TNS3: variants seen among roughly 807,000 people sequenced by gnomAD.
The protein encoded by TNS3 is tensin-3.
Under a neutral mutation model 140.9 loss-of-function variants are expected in TNS3, and 45 were observed. The ratio of observed to expected loss-of-function variants is 0.32; its 90% CI spans 0.25 to 0.41. The LOEUF (loss-of-function observed/expected upper bound fraction) is 0.41. Ranked by LOEUF, TNS3 falls within the 10% of genes least tolerant of loss-of-function variation. The probability of loss-of-function intolerance (pLI) is 1.00; values close to 1 mark genes in which losing one functional copy is unlikely to be tolerated. For synonymous variants in TNS3, 815 were observed against 788.4 expected, an observed-to-expected ratio of 1.03 and a Z score of -0.56; for missense variants, 1,716 against 1,906.7, an observed-to-expected ratio of 0.90 and a Z score of 1.86.
chr7:47,405,818 T>C (rs1183976307), intron 13 of TNS3, among the ~76,000 whole-genome samples: 1 of 151,606 alleles, frequency 6.6e-6, no homozygotes, highest in Non-Finnish European at 1.5e-5. Flanking sequence ...CAGCACTATT[T>C]GTTTGTGAAA....
intron 17 of TNS3, among the ~76,000 whole-genome samples, chr7:47,361,221 A>AAAAAAAAAAAAAAAAAAAAAAAAAAAAG (rs1790307440): frequency 6.7e-6 from 1 of 149,214 alleles, no homozygotes; most frequent in Non-Finnish European, 1.5e-5. Context: ...AAAAAAAAAA[A>AAAAAAAAAAAAAAAAAAAAAAAAAAAAG]AAACAAGCAA....
intron 2 of TNS3, among the ~76,000 whole-genome samples, chr7:47,515,062 C>T (rs1250587200): frequency 6.6e-6 from 1 of 152,172 alleles, no homozygotes; most frequent in Non-Finnish European, 1.5e-5. Context: ...CACTTAACCC[C>T]ATTGCTCAAT....
intron 10 of TNS3, among the ~76,000 whole-genome samples, chr7:47,419,333 A>T (rs57497560): frequency 2.3e-4 from 35 of 152,248 alleles, no homozygotes; most frequent in African/African-American, 7.9e-4. Flanking sequence ...GTGGGCAGCA[A>T]GGAGGATGTG....
At chr7:47,515,122 A>G (rs912658327) in intron 2 of TNS3, among the ~76,000 whole-genome samples, 4 of 152,232 alleles carry the variant, frequency 2.6e-5, no homozygotes, top group Non-Finnish European at 5.9e-5. Context: ...GAGTAGAGAT[A>G]ACAGGGCCCT....
chr7:47,452,203 T>A (rs1796045316), intron 4 of TNS3, among the ~76,000 whole-genome samples: 1 of 152,212 alleles, frequency 6.6e-6, no homozygotes. Flanking sequence ...GGATCCCCCT[T>A]AGATCACAAA....
At position 47,522,954 on chromosome 7, in the gene TNS3, A is replaced by G. The variant is rs534056198; in HGVS notation, c.-153+6082T>C. Among the ~76,000 whole-genome samples the G allele has an allele frequency of 2.5e-3, 372 of 151,238 alleles. 1 individual carries two copies. The highest frequency in any genetic ancestry group is 8.5e-3 in the African/African-American group (351 of 41,278). Reference sequence around the variant, plus strand: ...AAAAAAAAAAGAGTTTCTATTGTTTATTAACATAATTCCTAGAGCTATGTG... The same window carrying G: ...AAAAAAAAAAGAGTTTCTATTGTTTGTTAACATAATTCCTAGAGCTATGTG... On this transcript the variant is annotated intron_variant, in intron 2 of 30. Transcript: ENST00000311160.
At chr7:47,375,000 G>T (rs1279929548) in intron 16 of TNS3, among the ~76,000 whole-genome samples, 1 of 152,162 alleles carries the variant, frequency 6.6e-6, no homozygotes, top group African/African-American at 2.4e-5. Context: ...GTGGGGTAAG[G>T]ACAGAGTTCT....
chr7:47,472,122 C>G (rs527300236), intron 4 of TNS3, among the ~76,000 whole-genome samples: 1 of 152,248 alleles, frequency 6.6e-6, no homozygotes, highest in African/African-American at 2.4e-5. Flanking sequence ...TCTGTCATCA[C>G]CTGGCTTTCT....
chr7:47,324,998 C>T (rs1278848753), intron 20 of TNS3, among the ~76,000 whole-genome samples: 2 of 151,790 alleles, frequency 1.3e-5, no homozygotes, highest in Non-Finnish European at 2.9e-5. Context: ...TAGTAGGCAG[C>T]AGAAGTGATG....
chr7:47,468,737 CT>C (rs1253659225), intron 4 of TNS3, among the ~76,000 whole-genome samples: 11 of 152,254 alleles, frequency 7.2e-5, no homozygotes, highest in East Asian at 1.9e-4. Flanking sequence ...AGAAAAAAAA[CT>C]ATTGTAAAAT....
rs756287997 is a variant in TNS3 at position 47,369,020 on chromosome 7, G to A, written c.1626C>T (p.Gly542=). The A allele has an allele frequency of 6.2e-7, 1 of 1,614,006 alleles. No homozygotes were observed. The highest frequency in any genetic ancestry group is 1.1e-5 in the South Asian group (1 of 91,088). ...DPQGTLVPDL[G]LGMDGPYERE... is the part of the protein sequence containing the mutation. ...GCTCATAGGGGCCGTCCATGCCAAG[G>A]CCCAGGTCCGGAACGAGGGTGCCCT... The change falls in exon 17 of 31, where the codon GGC becomes GGT. Residue 542 remains glycine (G), a synonymous_variant. Coordinates refer to ENST00000311160, the MANE Select transcript of TNS3 (RefSeq NM_022748.12).
intron 8 of TNS3, among the ~76,000 whole-genome samples, chr7:47,431,715 A>T (rs1354271430): frequency 2.0e-5 from 3 of 152,220 alleles, no homozygotes; most frequent in Non-Finnish European, 4.4e-5. Context: ...AGGAGAGACT[A>T]GAAAAACAAT....
At chr7:47,359,661 T>A (rs987791073) in intron 17 of TNS3, among the ~76,000 whole-genome samples, 1 of 152,244 alleles carries the variant, frequency 6.6e-6, no homozygotes, top group African/African-American at 2.4e-5. Context: ...AAAATTCATA[T>A]GACTTTATTG....
At chr7:47,372,962 C>A (rs903442771) in intron 16 of TNS3, among the ~76,000 whole-genome samples, 2 of 152,296 alleles carry the variant, frequency 1.3e-5, no homozygotes, top group East Asian at 3.9e-4. Context: ...TGTAGGAGCA[C>A]AGATCTTCCT....
intron 20 of TNS3, among the ~76,000 whole-genome samples, chr7:47,320,694 TC>T (rs755495615): frequency 3.3e-4 from 51 of 152,288 alleles, no homozygotes; most frequent in Non-Finnish European, 5.3e-4. Context: ...CTTTCACCAG[TC>T]ACCACTGTAA....
chr7:47,402,170 C>T (rs1562694272), intron 13 of TNS3, among the ~76,000 whole-genome samples: 1 of 152,170 alleles, frequency 6.6e-6, no homozygotes, highest in Non-Finnish European at 1.5e-5. Flanking sequence ...GGAGCTGTGA[C>T]TCCAGGCAGA....
chr7:47,356,795 G>A (rs368294545), intron 17 of TNS3, among the ~76,000 whole-genome samples: 102 of 152,132 alleles, frequency 6.7e-4, no homozygotes, highest in African/African-American at 2.1e-3. Flanking sequence ...AAAAAACAGG[G>A]GCCGGGCACA....
At chr7:47,342,438 G>A (rs1310291739) in intron 20 of TNS3, among the ~76,000 whole-genome samples, 1 of 152,240 alleles carries the variant, frequency 6.6e-6, no homozygotes, top group African/African-American at 2.4e-5. Flanking sequence ...CACAGTGGCT[G>A]TGAATGGCAG....
intron 3 of TNS3, among the ~76,000 whole-genome samples, chr7:47,502,203 T>C (rs1798251919): frequency 6.6e-6 from 1 of 152,156 alleles, no homozygotes; most frequent in Admixed American, 6.5e-5. Flanking sequence ...TCGAGGTTTT[T>C]CATCAGACAA....
Sources: gnomAD v4.1 joint callset for allele counts (sites outside exome capture counted in the v4.1 genomes callset) on GRCh38, gnomAD v4.1.1 for gene constraint, MANE v1.5 for transcripts, NCBI Gene and HGNC (gene_info 2026-07-23, HGNC 2026-07-21) for gene names.